PTPRN2: variants seen among roughly 807,000 people sequenced by gnomAD.
PTPRN2 encodes receptor-type tyrosine-protein phosphatase N2.
PTPRN2 carries 74 observed loss-of-function variants against 118.8 expected under a neutral mutation model. The ratio of observed to expected loss-of-function variants is 0.62; its 90% CI spans 0.52 to 0.76. PTPRN2 has a LOEUF of 0.76. PTPRN2 is among the 30% of genes least tolerant of loss of function. PTPRN2 has a pLI of 0.00. For missense variants in PTPRN2, 1,481 were observed against 1,394.4 expected, an observed-to-expected ratio of 1.06 and a Z score of -0.99; for synonymous variants, 641 against 608.0, an observed-to-expected ratio of 1.05 and a Z score of -0.80.
At chr7:157,853,661 G>A (rs1809461362) in intron 12 of PTPRN2, among the ~76,000 whole-genome samples, 2 of 152,104 alleles carry the variant, frequency 1.3e-5, no homozygotes, top group South Asian at 2.1e-4. Context: ...GGCGGAACTG[G>A]TGCATCATGT....
At chr7:157,884,386 T>G (rs1352145214) in intron 12 of PTPRN2, among the ~76,000 whole-genome samples, 9 of 152,200 alleles carry the variant, frequency 5.9e-5, no homozygotes, top group Non-Finnish European at 1.2e-4. Flanking sequence ...AGTCCTCCAT[T>G]TGTAAGGGTG....
chr7:158,067,882 A>G (rs1183474521), intron 11 of PTPRN2, among the ~76,000 whole-genome samples: 1 of 152,136 alleles, frequency 6.6e-6, no homozygotes, highest in East Asian at 1.9e-4. Context: ...GGCCATGGGC[A>G]GCACACCAGG....
chr7:158,450,057 G>A (rs985313677), intron 2 of PTPRN2, among the ~76,000 whole-genome samples: 1 of 152,284 alleles, frequency 6.6e-6, no homozygotes, highest in African/African-American at 2.4e-5. Context: ...TCTGGTGATG[G>A]CCTCCGCCTG....
intron 2 of PTPRN2, among the ~76,000 whole-genome samples, chr7:158,471,249 C>T (rs1258892811): frequency 6.6e-6 from 1 of 152,178 alleles, no homozygotes; most frequent in Non-Finnish European, 1.5e-5. Context: ...AAGCCAGCCT[C>T]TCCTGAGCCA....
At chr7:157,878,239 G>A (rs931058870) in intron 12 of PTPRN2, among the ~76,000 whole-genome samples, 14 of 152,268 alleles carry the variant, frequency 9.2e-5, no homozygotes, top group African/African-American at 3.4e-4. Flanking sequence ...GTGCTCAAGA[G>A]CACGGACCCT....
chr7:158,535,942 G>C (rs1221571409), intron 1 of PTPRN2, among the ~76,000 whole-genome samples: 1 of 146,968 alleles, frequency 6.8e-6, no homozygotes, highest in Non-Finnish European at 1.5e-5. Flanking sequence ...TTCCATACTA[G>C]ATAAGATGAA....
intron 10 of PTPRN2, among the ~76,000 whole-genome samples, chr7:158,096,787 A>G (rs1247880422): frequency 6.6e-6 from 1 of 152,246 alleles, no homozygotes; most frequent in Non-Finnish European, 1.5e-5. Flanking sequence ...TGAAACAGGT[A>G]GCAACATTGC....
intron 5 of PTPRN2, among the ~76,000 whole-genome samples, chr7:158,188,245 G>GCCACGCTCGCCCCCTGT (rs1412121885): frequency 2.9e-5 from 2 of 68,300 alleles, no homozygotes; most frequent in Non-Finnish European, 6.0e-5. Flanking sequence ...CTTGCCCCGC[G>GCCACGCTCGCCCCCTGT]ATGGGGAAGG....
At chr7:157,606,077 G>T (rs968339764) in intron 15 of PTPRN2, among the ~76,000 whole-genome samples, 1 of 152,254 alleles carries the variant, frequency 6.6e-6, no homozygotes, top group African/African-American at 2.4e-5. Context: ...TCCCATGCTT[G>T]TTGGTGCCCA....
At chr7:158,100,712 G>T (rs1230800267) in intron 10 of PTPRN2, among the ~76,000 whole-genome samples, 2 of 152,222 alleles carry the variant, frequency 1.3e-5, no homozygotes, top group African/African-American at 2.4e-5. Flanking sequence ...TTCAAGAATT[G>T]TCTATTCATG....
In PTPRN2 at chr7:158,063,044, G is replaced by C. The variant is rs1281072021; in HGVS notation, c.1723+18254C>G. Among the ~76,000 whole-genome samples, 2 of 152,250 alleles carry C rather than the reference G, an allele frequency of 1.3e-5. 1 individual carries two copies. Among genetic ancestry groups the C allele is most frequent in the Non-Finnish European group, 2.9e-5 (2 of 68,042 alleles). On this transcript the variant is annotated intron_variant, in intron 11 of 22. Transcript: ENST00000389418. ...AGCCAGTTGGGCTCCTGAGTCTAGT[G>C]AGGACTTGGAGAACATTTATCTCTA... is the stretch of plus-strand genomic sequence containing the variant.
intron 1 of PTPRN2, among the ~76,000 whole-genome samples, chr7:158,527,407 C>G (rs998716619): frequency 1.3e-5 from 2 of 152,238 alleles, no homozygotes; most frequent in Admixed American, 6.5e-5. Flanking sequence ...AAATCCTCAG[C>G]GAGTGTCTGC....
At chr7:157,832,926 G>A (rs1807663033) in intron 12 of PTPRN2, among the ~76,000 whole-genome samples, 1 of 152,278 alleles carries the variant, frequency 6.6e-6, no homozygotes, top group Non-Finnish European at 1.5e-5. Context: ...GAACTGTGAT[G>A]AGATGGCGGG....
At position 157,615,818 on chromosome 7, in the gene PTPRN2, C is replaced by T. The variant is rs1790419537; in HGVS notation, c.2344+5544G>A. The T allele has an allele frequency of 1.4e-5, 5 of 353,236 alleles. No individual in the cohort carries two copies. Among genetic ancestry groups the T allele is most frequent in the Non-Finnish European group, 2.3e-5 (4 of 177,584 alleles). 21.9% of individuals were successfully genotyped at this position (353,236 alleles called of 1,614,324 possible). A position where few individuals can be genotyped will look rare whatever the true frequency, so the allele number is the denominator to read the frequency against. ...TCCTGTTAAACTTGACTGTCACCAA[C>T]GGGGGGTGGGGGGTGCGCGAGGCCC... On this transcript the variant is annotated intron_variant, in intron 15 of 22. Transcript: ENST00000389418. The surrounding 1 kb of genome is among the most constrained non-coding windows in gnomAD (Gnocchi z 4.3).
In PTPRN2 at chr7:157,671,023, A is replaced by T. The variant is rs1306910087; in HGVS notation, c.2001+11702T>A. On this transcript the variant is annotated intron_variant, in intron 13 of 22. Transcript: ENST00000389418. The surrounding 1 kb of genome is among the most constrained non-coding windows in gnomAD (Gnocchi z 4.1). ...CCCGCATCTTCAGCCTGCAGCGCGT[A>T]GGGAGGACTCCCCATGGGCGGGCAG... Among the ~76,000 whole-genome samples the T allele has an allele frequency of 2.0e-5, 3 of 152,190 alleles. No homozygotes were observed. Among genetic ancestry groups the T allele is most frequent in the Non-Finnish European group, 2.9e-5 (2 of 68,032 alleles).
At chr7:157,614,044 T>TC (rs1397256360) in intron 15 of PTPRN2, 2 of 471,130 alleles carry the variant, frequency 4.2e-6, no homozygotes, top group Admixed American at 4.7e-5. Context: ...TTGGAAAGCA[T>TC]CGTTCTGCAG....
chr7:157,982,518 T>C (rs200801210), intron 11 of PTPRN2, among the ~76,000 whole-genome samples: 142 of 46,590 alleles, frequency 3.0e-3, no homozygotes, highest in East Asian at 4.7e-3. Context: ...CCCCAAACCC[T>C]GAGTCATAGA....
intron 12 of PTPRN2, among the ~76,000 whole-genome samples, chr7:157,756,710 C>T (rs934203796): frequency 6.6e-6 from 1 of 151,390 alleles, no homozygotes. Flanking sequence ...AGCGTGGGGA[C>T]TCAAGGAACA....
At chr7:157,961,255 G>A (rs1383470614) in intron 11 of PTPRN2, among the ~76,000 whole-genome samples, 1 of 152,096 alleles carries the variant, frequency 6.6e-6, no homozygotes, top group African/African-American at 2.4e-5. Flanking sequence ...TATAAGGTCA[G>A]GCGTGGTAGC....
Sources: gnomAD v4.1 joint callset for allele counts (sites outside exome capture counted in the v4.1 genomes callset) on GRCh38, gnomAD v4.1.1 for gene constraint, Gnocchi (gnomAD v3.1) non-coding constraint, MANE v1.5 for transcripts, NCBI Gene and HGNC (gene_info 2026-07-23, HGNC 2026-07-21) for gene names.